Variants in SLC44A1 observed in about 807,000 individuals in gnomAD.
SLC44A1 encodes the protein choline transporter-like protein 1.
SLC44A1 carries 26 observed loss-of-function variants against 79.3 expected under a neutral mutation model. The observed-to-expected ratio is 0.33, with a 90% CI of 0.24 to 0.46. The LOEUF is 0.46. Ranked by LOEUF, SLC44A1 falls within the 20% of genes least tolerant of loss-of-function variation. The probability of loss-of-function intolerance (pLI) is 1.00; values close to 1 mark genes in which losing one functional copy is unlikely to be tolerated. For missense variants in SLC44A1, 688 were observed against 798.1 expected, an observed-to-expected ratio of 0.86 and a Z score of 1.66; for synonymous variants, 263 against 286.2, an observed-to-expected ratio of 0.92 and a Z score of 0.82.
intron 3 of SLC44A1, among the ~76,000 whole-genome samples, chr9:105,331,018 T>C (rs1252314043): frequency 6.6e-6 from 1 of 152,240 alleles, no homozygotes; most frequent in Non-Finnish European, 1.5e-5. Context: ...GTGTCTAGGC[T>C]GTTTTGTTTA....
intron 3 of SLC44A1, among the ~76,000 whole-genome samples, chr9:105,327,563 C>T (rs143571655): frequency 2.4e-4 from 37 of 152,210 alleles, no homozygotes; most frequent in Non-Finnish European, 4.9e-4. Context: ...GATTTACAGG[C>T]GTACCATTTA....
intron 3 of SLC44A1, among the ~76,000 whole-genome samples, chr9:105,313,945 G>A (rs1479230491): frequency 5.3e-5 from 8 of 151,822 alleles, no homozygotes. Flanking sequence ...TGTATTTTTA[G>A]TAGAGACTGG....
chr9:105,313,516 C>T (rs1831236375), intron 3 of SLC44A1, among the ~76,000 whole-genome samples: 1 of 152,090 alleles, frequency 6.6e-6, no homozygotes, highest in Non-Finnish European at 1.5e-5. Context: ...CTTCTAAGCT[C>T]CTGTGGTTGT....
At chr9:105,298,642 G>T (rs1286929255) in intron 1 of SLC44A1, among the ~76,000 whole-genome samples, 2 of 152,070 alleles carry the variant, frequency 1.3e-5, no homozygotes, top group Non-Finnish European at 2.9e-5. Flanking sequence ...GAGCCACTGG[G>T]CCCGGCCTGA....
At chr9:105,297,015 C>T (rs1830741030) in intron 1 of SLC44A1, among the ~76,000 whole-genome samples, 1 of 152,138 alleles carries the variant, frequency 6.6e-6, no homozygotes, top group Non-Finnish European at 1.5e-5. Flanking sequence ...AGTCCTTCAT[C>T]TCTTACGCCA....
chr9:105,425,010 TTAAA>T (rs964192258), intron 15 of SLC44A1, among the ~76,000 whole-genome samples: 3 of 151,794 alleles, frequency 2.0e-5, no homozygotes, highest in Non-Finnish European at 4.4e-5. Context: ...TTTTGTTAAC[TTAAA>T]TAACCATGGT....
intron 15 of SLC44A1, among the ~76,000 whole-genome samples, chr9:105,420,192 C>T (rs1038614237): frequency 2.0e-5 from 3 of 152,146 alleles, no homozygotes; most frequent in Non-Finnish European, 4.4e-5. Flanking sequence ...CAGAATGCGC[C>T]CTATTGCCTT....
At chr9:105,387,797 G>C (rs184235061) in intron 15 of SLC44A1, among the ~76,000 whole-genome samples, 1 of 152,222 alleles carries the variant, frequency 6.6e-6, no homozygotes, top group Admixed American at 6.5e-5. Flanking sequence ...AATTGTAGTA[G>C]ATCAGAATGC....
chr9:105,256,909 C>T (rs995474447), intron 1 of SLC44A1, among the ~76,000 whole-genome samples: 3 of 151,686 alleles, frequency 2.0e-5, no homozygotes, highest in Non-Finnish European at 4.4e-5. Context: ...GCCTCAGCCT[C>T]CTGAGTAGCT....
intron 1 of SLC44A1, among the ~76,000 whole-genome samples, chr9:105,280,012 A>G (rs971688331): frequency 1.1e-4 from 17 of 152,252 alleles, no homozygotes; most frequent in Admixed American, 2.6e-4. Context: ...GAAGAAAACT[A>G]TAAAACTTTT....
At chr9:105,258,939 A>G (rs1247000739) in intron 1 of SLC44A1, among the ~76,000 whole-genome samples, 1 of 151,552 alleles carries the variant, frequency 6.6e-6, no homozygotes, top group Non-Finnish European at 1.5e-5. Flanking sequence ...TCCTGACCTC[A>G]GGTGATCCGC....
At chr9:105,415,234 C>T (rs1829152049) in intron 15 of SLC44A1, among the ~76,000 whole-genome samples, 1 of 152,076 alleles carries the variant, frequency 6.6e-6, no homozygotes, top group Non-Finnish European at 1.5e-5. Flanking sequence ...TTCTCAAAGC[C>T]CACAGTTTTG....
At chr9:105,400,860 A>G (rs374007037), downstream of SLC44A1, among the ~76,000 whole-genome samples, 78 of 152,324 alleles carry the variant, frequency 5.1e-4, no homozygotes, top group African/African-American at 1.8e-3. Context: ...CAAAGGGTTA[A>G]TTTTTATAGA....
At chr9:105,258,109 G>A (rs1829753706) in intron 1 of SLC44A1, among the ~76,000 whole-genome samples, 1 of 152,164 alleles carries the variant, frequency 6.6e-6, no homozygotes, top group Non-Finnish European at 1.5e-5. Context: ...TGGATATGTG[G>A]GATGAAAGAG....
At chr9:105,323,038 C>T (rs1253404183) in intron 3 of SLC44A1, among the ~76,000 whole-genome samples, 1 of 149,872 alleles carries the variant, frequency 6.7e-6, no homozygotes, top group Non-Finnish European at 1.5e-5. Context: ...GCCTGGCCAA[C>T]ACCCCGTCTA....
At chr9:105,374,055 G>A (rs1828200582) in intron 12 of SLC44A1, among the ~76,000 whole-genome samples, 1 of 152,334 alleles carries the variant, frequency 6.6e-6, no homozygotes, top group Middle Eastern at 3.4e-3. Flanking sequence ...TTAGGGTTCT[G>A]CTCCCAGGAA....
chr9:105,291,967 A>T (rs1274522656), intron 1 of SLC44A1, among the ~76,000 whole-genome samples: 1 of 152,198 alleles, frequency 6.6e-6, no homozygotes, highest in Non-Finnish European at 1.5e-5. Context: ...GATCAGAAAA[A>T]AATATAAGAG....
At chr9:105,271,968 C>T (rs1830089406) in intron 1 of SLC44A1, among the ~76,000 whole-genome samples, 1 of 152,128 alleles carries the variant, frequency 6.6e-6, no homozygotes, top group Non-Finnish European at 1.5e-5. Flanking sequence ...ACTTTGGTCT[C>T]ATAATATTTT....
Position 105,394,509 on chromosome 9 carries a change from C to CAAAAAA in SLC44A1, c.*5461_*5466dup, listed in dbSNP as rs58361552. On this transcript the variant is annotated 3_prime_UTR_variant, in exon 16 of 16. Coordinates refer to ENST00000374720, the MANE Select transcript of SLC44A1 (RefSeq NM_080546.5). Reference sequence around the variant, plus strand: ...AGGTACCAGATTATTTGCAGTGAGCCAAAAAAAAAAAAATATCCAAGAAGA... The same window carrying CAAAAAA: ...AGGTACCAGATTATTTGCAGTGAGCCAAAAAAAAAAAAAAAAAAATATCCAAGAAGA... 1 of 735,330 alleles carries CAAAAAA rather than the reference C, an allele frequency of 1.4e-6. No homozygotes were observed. The highest frequency in any genetic ancestry group is 2.0e-5 in the African/African-American group (1 of 49,612). 45.6% of individuals were successfully genotyped at this position (735,330 alleles called of 1,614,324 possible).
Sources: allele counts gnomAD v4.1 joint callset (sites outside exome capture counted in the v4.1 genomes callset), GRCh38; gene constraint gnomAD v4.1.1; transcripts MANE v1.5; gene names NCBI Gene and HGNC (gene_info 2026-07-23, HGNC 2026-07-21).